CDIN1: variants seen among roughly 807,000 people sequenced by gnomAD.
The protein encoded by CDIN1 is CDAN1 interacting nuclease 1.
Under a neutral mutation model 45.3 loss-of-function variants are expected in CDIN1, and 33 were observed. The observed-to-expected ratio is 0.73, with a 90% CI of 0.55 to 0.97. The LOEUF (loss-of-function observed/expected upper bound fraction) is 0.97. CDIN1 is among the 50% of genes least tolerant of loss of function. The probability of loss-of-function intolerance (pLI) is 0.00; values close to 1 mark genes in which losing one functional copy is unlikely to be tolerated. For missense variants in CDIN1, 303 were observed against 339.4 expected, an observed-to-expected ratio of 0.89 and a Z score of 0.84; for synonymous variants, 118 against 124.4, an observed-to-expected ratio of 0.95 and a Z score of 0.34.
chr15:36,759,460 G>A (rs1566954984), intron 10 of CDIN1, among the ~76,000 whole-genome samples: 1 of 151,636 alleles, frequency 6.6e-6, no homozygotes, highest in African/African-American at 2.4e-5. Flanking sequence ...AGATAAATAT[G>A]TTTTTTCTTG....
intron 10 of CDIN1, chr15:36,804,601 G>A (rs889638474): frequency 1.3e-5 from 2 of 149,582 alleles, no homozygotes; most frequent in Non-Finnish European, 3.0e-5. Context: ...TGCACAGAAG[G>A]GCCAGCTTTA....
intron 5 of CDIN1, among the ~76,000 whole-genome samples, chr15:36,687,979 AATG>A (rs2042118739): frequency 6.6e-6 from 1 of 152,194 alleles, no homozygotes; most frequent in Admixed American, 6.5e-5. Flanking sequence ...ACTATAAATG[AATG>A]ATAACAAAAT....
chr15:36,747,385 T>A (rs2044483588), intron 10 of CDIN1: 1 of 173,606 alleles, frequency 5.8e-6, no homozygotes, highest in South Asian at 2.0e-4. Context: ...TGGCCTAGAG[T>A]TTTCATTTAT....
At chr15:36,698,563 T>C (rs998746295) in intron 8 of CDIN1, among the ~76,000 whole-genome samples, 3 of 152,140 alleles carry the variant, frequency 2.0e-5, no homozygotes, top group Non-Finnish European at 2.9e-5. Flanking sequence ...TCAGAACCAG[T>C]TGGAATGAGT....
chr15:36,656,873 C>T (rs1045656619), intron 4 of CDIN1, among the ~76,000 whole-genome samples: 4 of 152,028 alleles, frequency 2.6e-5, no homozygotes, highest in South Asian at 2.1e-4. Flanking sequence ...GGTATGAATA[C>T]GGGACTTGAA....
At position 36,697,505 on chromosome 15, in the gene CDIN1, A is replaced by G. The variant is rs559143211; in HGVS notation, c.544+115A>G. 1.7e-5 allele frequency: 14 copies of G among 843,780 alleles called. No homozygotes were observed. The African/African-American group carries it at 1.9e-4, about 12-fold the overall frequency. The allele number at this position is 843,780 out of a possible 1,614,324, so 52.3% of individuals were successfully genotyped here. A position where few individuals can be genotyped will look rare whatever the true frequency, so the allele number is the denominator to read the frequency against. On this transcript the variant is annotated intron_variant, in intron 8 of 10. Transcript: ENST00000566621. The stretch of plus-strand genomic sequence containing the variant: ...AATGATGATTGATGCTGTGCATATT[A>G]TCTTTTATTGATTTGGAACTGAGCA...
chr15:36,579,854 GC>G lies in CDIN1; in HGVS notation c.-4del. The G allele has an allele frequency of 6.2e-7, 1 of 1,611,306 alleles. No individual in the cohort carries two copies. The highest frequency in any genetic ancestry group is 1.7e-5 in the Admixed American group (1 of 59,622). On this transcript the variant is annotated 5_prime_UTR_variant, in exon 1 of 11. Transcript: ENST00000566621. Reference sequence around the variant, plus strand: ...TGTTCCCGCCACCTCCTGGTCCCTGGCCCAACATGATACTGACCAAAGCTCA... The same window carrying G: ...TGTTCCCGCCACCTCCTGGTCCCTGGCCAACATGATACTGACCAAAGCTCA...
chr15:36,623,383 C>T (rs1235432722), intron 1 of CDIN1, among the ~76,000 whole-genome samples: 1 of 152,046 alleles, frequency 6.6e-6, no homozygotes, highest in Non-Finnish European at 1.5e-5. Context: ...GTCAATATAA[C>T]TTTATATATT....
At chr15:36,658,150 C>A in intron 5 of CDIN1, 1 of 353,572 alleles carries the variant, frequency 2.8e-6, no homozygotes, top group Non-Finnish European at 5.1e-6. Flanking sequence ...CAATGTGTAT[C>A]AAACTAAAAA....
At position 36,808,882 on chromosome 15, in the gene CDIN1, T is replaced by C. The variant is rs1426226083; in HGVS notation, c.*429T>C. On this transcript the variant is annotated 3_prime_UTR_variant, in exon 11 of 11. Coordinates refer to ENST00000566621, the MANE Select transcript of CDIN1 (RefSeq NM_001321759.2). ...CCGTTCACTGTCTCTCCCTCTCCCT[T>C]TCTCTTCATGTGCACTCACAGAGAC... 1 of 456,376 alleles carries C rather than the reference T, an allele frequency of 2.2e-6. No individual in the cohort carries two copies. The allele number at this position is 456,376 out of a possible 1,614,324, so 28.3% of individuals were successfully genotyped here. A position where few individuals can be genotyped will look rare whatever the true frequency, so the allele number is the denominator to read the frequency against.
chr15:36,601,291 T>C (rs1305523059), intron 1 of CDIN1, among the ~76,000 whole-genome samples: 3 of 152,194 alleles, frequency 2.0e-5, no homozygotes, highest in Non-Finnish European at 2.9e-5. Context: ...TTTTAGTGGC[T>C]GGAATCAAGG....
Position 36,796,148 on chromosome 15 carries a change from G to A in CDIN1, c.717-12176G>A, listed in dbSNP as rs377421623. ...CTAGTCTACTCATGGAAAGATCTGT[G>A]GTGGGGATTTAGTGGAGAAGAGTTC... On this transcript the variant is annotated intron_variant, in intron 10 of 10. Coordinates refer to ENST00000566621, the MANE Select transcript of CDIN1 (RefSeq NM_001321759.2). 3.5e-4 allele frequency among the ~76,000 whole-genome samples: 54 copies of A among 152,236 alleles called. No individual in the cohort carries two copies. In the South Asian group the frequency reaches 0.011, roughly 30 times the overall value.
chr15:36,702,210 A>T, intron 8 of CDIN1: 2 of 690,216 alleles, frequency 2.9e-6, no homozygotes, highest in East Asian at 2.7e-5. Context: ...TAAAAATATG[A>T]TGCTGTTTTT....
intron 10 of CDIN1, among the ~76,000 whole-genome samples, chr15:36,765,627 A>C (rs909675168): frequency 6.6e-6 from 1 of 152,120 alleles, no homozygotes; most frequent in African/African-American, 2.4e-5. Context: ...TTTTGTTTTT[A>C]ACTTGATTAT....
intron 1 of CDIN1, among the ~76,000 whole-genome samples, chr15:36,610,643 G>C (rs2038605141): frequency 6.6e-6 from 1 of 152,162 alleles, no homozygotes; most frequent in East Asian, 1.9e-4. Flanking sequence ...TATGAATCTA[G>C]TTCTCAGCTA....
At chr15:36,797,372 C>G (rs982414016) in intron 10 of CDIN1, among the ~76,000 whole-genome samples, 3 of 152,152 alleles carry the variant, frequency 2.0e-5, no homozygotes, top group Non-Finnish European at 4.4e-5. Flanking sequence ...AAACAAAAGC[C>G]TACCTAAACT....
At chr15:36,617,468 T>C in intron 1 of CDIN1, 1 of 958,308 alleles carries the variant, frequency 1.0e-6, no homozygotes. Context: ...AAGAAACAAT[T>C]AGAATTCTGG....
chr15:36,635,207 A>T (rs2039846747), intron 1 of CDIN1, among the ~76,000 whole-genome samples: 8 of 152,202 alleles, frequency 5.3e-5, no homozygotes. Context: ...ACCAAAAATT[A>T]ATACCTGAAA....
At chr15:36,584,263 G>A (rs912621670) in intron 1 of CDIN1, among the ~76,000 whole-genome samples, 1 of 152,082 alleles carries the variant, frequency 6.6e-6, no homozygotes, top group African/African-American at 2.4e-5. Flanking sequence ...GCGAGACCCT[G>A]TCTCTTCAAA....
Sources: gnomAD v4.1 joint callset for allele counts (sites outside exome capture counted in the v4.1 genomes callset) on GRCh38, gnomAD v4.1.1 for gene constraint, MANE v1.5 for transcripts, NCBI Gene and HGNC (gene_info 2026-07-23, HGNC 2026-07-21) for gene names.